The following C12orf56 variants were observed in gnomAD, a reference collection of about 807,000 sequenced individuals.
C12orf56 encodes chromosome 12 open reading frame 56.
Under a neutral mutation model 69.9 loss-of-function variants are expected in C12orf56, and 71 were observed. The ratio of observed to expected loss-of-function variants is 1.02; its 90% CI spans 0.84 to 1.24. C12orf56 has a LOEUF of 1.24. Among genes scored for constraint, C12orf56 ranks in the 50% most tolerant of loss-of-function variants. The pLI is 0.00. For missense variants in C12orf56, 732 were observed against 738.5 expected, an observed-to-expected ratio of 0.99 and a Z score of 0.10; for synonymous variants, 276 against 274.1, an observed-to-expected ratio of 1.01 and a Z score of -0.07.
chr12:64,368,906 T>C (rs1272312138), intron 1 of C12orf56, among the ~76,000 whole-genome samples: 1 of 152,176 alleles, frequency 6.6e-6, no homozygotes, highest in African/African-American at 2.4e-5. Context: ...TCTCTTCTGC[T>C]TTGTGAAAGA....
chr12:64,270,591 G>C lies in C12orf56; in HGVS notation c.1708C>G (p.Arg570Gly). The change falls in exon 12 of 13, where the codon CGG (arginine) becomes GGG (glycine). Residue 570 changes from arginine to glycine, a missense_variant. Coordinates refer to ENST00000543942, the MANE Select transcript of C12orf56 (RefSeq NM_001170633.2). ...TACTCAGCTAGAGTCCTGCTGTGCC[G>C]CAGACAGCTCTTGAGGATGTAAAAT... ...QQFYILKSCL[R>G]HSRTLAEYIR... The C allele has an allele frequency of 6.2e-7, 1 of 1,612,828 alleles. No individual in the cohort carries two copies. Among genetic ancestry groups the C allele is most frequent in the Non-Finnish European group, 8.5e-7 (1 of 1,179,458 alleles).
intron 1 of C12orf56, among the ~76,000 whole-genome samples, chr12:64,378,641 G>A (rs1304557607): frequency 6.6e-6 from 1 of 152,116 alleles, no homozygotes; most frequent in South Asian, 2.1e-4. Context: ...CACCATGTTG[G>A]CCAGGCTAGT....
At chr12:64,381,719 T>G (rs1193013824) in intron 1 of C12orf56, among the ~76,000 whole-genome samples, 1 of 152,158 alleles carries the variant, frequency 6.6e-6, no homozygotes, top group African/African-American at 2.4e-5. Flanking sequence ...AAAAGTCTAG[T>G]TAAGAAACTG....
At chr12:64,299,729 G>C (rs867283861) in intron 6 of C12orf56, among the ~76,000 whole-genome samples, 1 of 152,046 alleles carries the variant, frequency 6.6e-6, no homozygotes, top group Non-Finnish European at 1.5e-5. Context: ...GCTAATTCTC[G>C]ATGGTAGAAA....
intron 2 of C12orf56, among the ~76,000 whole-genome samples, chr12:64,342,141 A>G (rs2039082045): frequency 6.6e-6 from 1 of 152,172 alleles, no homozygotes; most frequent in South Asian, 2.1e-4. Flanking sequence ...CCTCTTCCCC[A>G]AATTTCTTTG....
chr12:64,328,704 A>AGT lies in C12orf56; in HGVS notation c.488+2255_488+2256insAC, dbSNP rs1565758576. On this transcript the variant is annotated intron_variant, in intron 3 of 12. Transcript: ENST00000543942. ...CAAAAAAAAAAAAAAAAAAAAAAAA[A>AGT]AAATATATATATATATATATATATA... Among the ~76,000 whole-genome samples, 5 of 37,272 alleles carry AGT rather than the reference A, an allele frequency of 1.3e-4. 1 individual carries two copies. Among genetic ancestry groups the AGT allele is most frequent in the East Asian group, 1.0e-3 (2 of 1,946 alleles). The allele number at this position is 37,272 out of a possible 152,430, so 24.5% of individuals were successfully genotyped here. A position where few individuals can be genotyped will look rare whatever the true frequency, so the allele number is the denominator to read the frequency against.
intron 3 of C12orf56, among the ~76,000 whole-genome samples, chr12:64,325,853 A>G (rs2038832065): frequency 6.6e-6 from 1 of 152,188 alleles, no homozygotes; most frequent in Non-Finnish European, 1.5e-5. Flanking sequence ...GTCTAGGTAA[A>G]TGAATTCCCT....
chr12:64,352,853 T>G (rs1261774709), intron 2 of C12orf56, 41 bp downstream of exon 2: 8 of 1,518,590 alleles, frequency 5.3e-6, no homozygotes, highest in Non-Finnish European at 6.2e-6. Context: ...TATATACTTT[T>G]TTTTTTGCCT....
chr12:64,338,575 G>T, intron 2 of C12orf56: 1 of 1,532,426 alleles, frequency 6.5e-7, no homozygotes, highest in Non-Finnish European at 9.0e-7. Flanking sequence ...TCATCAAATT[G>T]GACATCTGAA....
intron 11 of C12orf56, among the ~76,000 whole-genome samples, chr12:64,273,908 C>T (rs2038019787): frequency 6.6e-6 from 1 of 152,174 alleles, no homozygotes; most frequent in Non-Finnish European, 1.5e-5. Flanking sequence ...GCAGTCCCAC[C>T]ATGTGCCCAG....
intron 1 of C12orf56, among the ~76,000 whole-genome samples, chr12:64,374,308 G>T (rs916598091): frequency 1.3e-5 from 2 of 152,156 alleles, no homozygotes; most frequent in African/African-American, 4.8e-5. Context: ...CCTAGGAAAA[G>T]GATGCTACAT....
chr12:64,320,292 A>G (rs1483414028), intron 3 of C12orf56, among the ~76,000 whole-genome samples: 1 of 152,080 alleles, frequency 6.6e-6, no homozygotes, highest in Admixed American at 6.6e-5. Flanking sequence ...CCATCTTGGA[A>G]GCGGCCTGCC....
At chr12:64,272,920 C>T (rs2038007988) in intron 11 of C12orf56, among the ~76,000 whole-genome samples, 1 of 152,132 alleles carries the variant, frequency 6.6e-6, no homozygotes, top group Non-Finnish European at 1.5e-5. Context: ...ACAAGACAGT[C>T]TAGATCCCAT....
Position 64,303,619 on chromosome 12 carries a change from A to C in C12orf56, c.1113+16T>G, listed in dbSNP as rs1250324090. On this transcript the variant is annotated intron_variant, in intron 6 of 12. Transcript: ENST00000543942. ...AACACAAACTTTAAAGATTAAAAAT[A>C]AAACAAAACACTTACCTTCCAGAAA... 1.3e-6 allele frequency: 2 copies of C among 1,512,264 alleles called. No individual in the cohort carries two copies. Among genetic ancestry groups the C allele is most frequent in the Non-Finnish European group, 1.8e-6 (2 of 1,133,848 alleles). The allele number at this position is 1,512,264 out of a possible 1,614,324, so 93.7% of individuals were successfully genotyped here.
chr12:64,330,025 C>T (rs1242186147), intron 3 of C12orf56, among the ~76,000 whole-genome samples: 2 of 152,046 alleles, frequency 1.3e-5, no homozygotes, highest in African/African-American at 4.8e-5. Context: ...GATTTGTAGT[C>T]CTTTGGGTAT....
intron 4 of C12orf56, among the ~76,000 whole-genome samples, chr12:64,315,641 G>A (rs2038682378): frequency 2.0e-5 from 3 of 152,136 alleles, no homozygotes; most frequent in Non-Finnish European, 1.5e-5. Flanking sequence ...AAGTTAAAAT[G>A]TGTAATGTGG....
chr12:64,320,170 C>G (rs1278204326), intron 3 of C12orf56, among the ~76,000 whole-genome samples: 1 of 152,236 alleles, frequency 6.6e-6, no homozygotes, highest in Non-Finnish European at 1.5e-5. Context: ...CGGTTCTCTT[C>G]CGTGACCCAC....
chr12:64,362,473 C>A lies in C12orf56; in HGVS notation c.253-9417G>T, dbSNP rs138402039. On this transcript the variant is annotated intron_variant, in intron 1 of 12. Transcript: ENST00000543942. Reference sequence around the variant, plus strand: ...TTGGGAGGGTGAAGGGGGTGGATCACCTGAGGTCAGGAGTTCAAGACCAGC... The same window carrying A: ...TTGGGAGGGTGAAGGGGGTGGATCAACTGAGGTCAGGAGTTCAAGACCAGC... 8.6e-3 allele frequency among the ~76,000 whole-genome samples: 1,314 copies of A among 152,206 alleles called. 22 individuals carry two copies. The highest frequency in any genetic ancestry group is 0.029 in the African/African-American group (1,225 of 41,534).
In C12orf56 at chr12:64,363,728, C is replaced by A. The variant is rs367577170; in HGVS notation, c.253-10672G>T. The stretch of plus-strand genomic sequence containing the variant: ...TAAATGTTCGAGTTTAGCACGAGGC[C>A]ACCATTGGAACACTGATGACAGATC... On this transcript the variant is annotated intron_variant, in intron 1 of 12. Transcript: ENST00000543942. Among the ~76,000 whole-genome samples the A allele has an allele frequency of 2.6e-5, 4 of 152,228 alleles. No individual in the cohort carries two copies. In the East Asian group the frequency reaches 7.7e-4, roughly 29 times the overall value.
Sources: allele counts gnomAD v4.1 joint callset (sites outside exome capture counted in the v4.1 genomes callset), GRCh38; gene constraint gnomAD v4.1.1; transcripts MANE v1.5; gene names NCBI Gene and HGNC (gene_info 2026-07-23, HGNC 2026-07-21).